The following CNP variants were observed in gnomAD, a reference collection of about 807,000 sequenced individuals.
CNP encodes the protein 2',3'-cyclic-nucleotide 3'-phosphodiesterase.
In CNP, 8 loss-of-function variants were observed where a neutral mutation model predicts 37.9. The observed-to-expected ratio is 0.21, with a 90% CI of 0.12 to 0.38. The LOEUF is 0.38. Ranked by LOEUF, CNP falls within the 10% of genes least tolerant of loss-of-function variation. The pLI, the probability that CNP is intolerant of heterozygous loss-of-function variation, is 1.00. For missense variants in CNP, 457 were observed against 551.0 expected, an observed-to-expected ratio of 0.83 and a Z score of 1.71; for synonymous variants, 237 against 238.3, an observed-to-expected ratio of 0.99 and a Z score of 0.05.
At chr17:41,967,905 C>T in intron 1 of CNP, 163 bp from the exon 2 acceptor site, 1 of 1,441,852 alleles carries the variant, frequency 6.9e-7, no homozygotes, top group Non-Finnish European at 9.1e-7. Context: ...CCTCTTCCTC[C>T]TCCACGACCA....
chr17:41,968,522 C>G lies in CNP; in HGVS notation c.458C>G (p.Ala153Gly). The change falls in exon 2 of 4, where the codon GCG (alanine) becomes GGG (glycine). Residue 153 changes from alanine (A) to glycine (G), a missense_variant. This residue lies in a region of CNP where 166 missense variants were observed against 259.3 expected (regional missense o/e 0.64). Transcript: ENST00000393892. The surrounding 1 kb of genome is among the most constrained non-coding windows in gnomAD (Gnocchi z 4.8). ...YQVVLVEPKT[A>G]WRLDCAQLKE... ...GTGGTGCTGGTGGAGCCCAAGACGG[C>G]GTGGCGGCTGGACTGTGCCCAGCTC... The G allele has an allele frequency of 6.2e-7, 1 of 1,614,124 alleles. No homozygotes were observed. Among genetic ancestry groups the G allele is most frequent in the Non-Finnish European group, 8.5e-7 (1 of 1,180,032 alleles).
intron 1 of CNP, chr17:41,967,114 C>T (rs959529416): frequency 2.3e-6 from 1 of 426,386 alleles, no homozygotes. Context: ...GGAGGGAACT[C>T]GGGACCGCAG....
At chr17:41,967,145 G>A (rs2050910005) in intron 1 of CNP, 2 of 372,316 alleles carry the variant, frequency 5.4e-6, no homozygotes, top group Admixed American at 4.7e-5. Context: ...GCCTCTGGGA[G>A]CCTGGGTGGG....
chr17:41,974,006 T>C lies in CNP; in HGVS notation c.*82T>C, dbSNP rs2143049016. On this transcript the variant is annotated 3_prime_UTR_variant, in exon 4 of 4. Coordinates refer to ENST00000393892, the MANE Select transcript of CNP (RefSeq NM_033133.5). ...CTGTTTGATCCTTGTTTTGTGACAT[T>C]TTTTTTTTTTTTTTTTTTACTCAAA... 4.7e-6 allele frequency: 1 copy of C among 214,642 alleles called. No homozygotes were observed. Among genetic ancestry groups the C allele is most frequent in the Non-Finnish European group, 7.1e-6 (1 of 141,152 alleles). 13.3% of individuals were successfully genotyped at this position (214,642 alleles called of 1,614,324 possible).
chr17:41,971,920 G>C lies in CNP; in HGVS notation c.705G>C (p.Lys235Asn), dbSNP rs199706471. 1,927 of 1,613,912 alleles carry C rather than the reference G, an allele frequency of 1.2e-3. 2 individuals carry two copies. Among genetic ancestry groups the C allele is most frequent in the Admixed American group, 2.2e-3 (133 of 59,998 alleles). The change falls in exon 3 of 4, where the codon AAG (lysine) becomes AAC (asparagine). Residue 235 changes from lysine to asparagine, a missense_variant. Transcript: ENST00000393892. ...QFVPGDEPREKMDLVTYFGKR... is the reference protein window; with the variant it reads ...QFVPGDEPRENMDLVTYFGKR... Reference sequence around the variant, plus strand: ...TCCCTGGGGATGAGCCCAGGGAGAAGATGGACTTGGTCACCTACTTTGGAA... The same window carrying C: ...TCCCTGGGGATGAGCCCAGGGAGAACATGGACTTGGTCACCTACTTTGGAA...
rs1555645106 is a variant in CNP, at chr17:41,977,312, T to C, written c.*3388T>C. On this transcript the variant is annotated 3_prime_UTR_variant, in exon 4 of 4. Transcript: ENST00000393892. The stretch of plus-strand genomic sequence containing the variant: ...CCAAAGAATGCCTTGAAGATATTGT[T>C]TGGATCAAAATCTGTAGAGCAGGGC... 1 of 1,581,612 alleles carries C rather than the reference T, an allele frequency of 6.3e-7. No homozygotes were observed. The highest frequency in any genetic ancestry group is 8.6e-7 in the Non-Finnish European group (1 of 1,163,662).
chr17:41,971,784 G>A, intron 2 of CNP, 108 bp from the exon 3 acceptor site: 1 of 1,432,764 alleles, frequency 7.0e-7, no homozygotes, highest in African/African-American at 1.4e-5. Flanking sequence ...TGCTGGAGAG[G>A]TGATGCTTAG....
At position 41,975,431 on chromosome 17, in the gene CNP, C is replaced by T. The variant is rs1296564950; in HGVS notation, c.*1507C>T. 5 of 152,646 alleles carry T rather than the reference C, an allele frequency of 3.3e-5. No individual in the cohort carries two copies. Among genetic ancestry groups the T allele is most frequent in the African/African-American group, 9.7e-5 (4 of 41,426 alleles). 9.5% of individuals were successfully genotyped at this position (152,646 alleles called of 1,614,324 possible). ...AGGGATGTGGAGCACAAAAGCCTCT[C>T]ATCCCCCATTAACCAGGGCACCAAG... On this transcript the variant is annotated 3_prime_UTR_variant, in exon 4 of 4. Transcript: ENST00000393892.
At position 41,977,457 on chromosome 17, in the gene CNP, T is replaced by G; in HGVS notation, c.*3533T>G. On this transcript the variant is annotated 3_prime_UTR_variant, in exon 4 of 4. Coordinates refer to ENST00000393892, the MANE Select transcript of CNP (RefSeq NM_033133.5). ...TCTCACTCCCCTCCTTTCCCAACAC[T>G]TCAGACTGCAAGTGAGCAAACCTGC... is the stretch of plus-strand genomic sequence containing the variant. 1.3e-6 allele frequency: 1 copy of G among 777,042 alleles called. No homozygotes were observed. Among genetic ancestry groups the G allele is most frequent in the Non-Finnish European group, 2.1e-6 (1 of 478,946 alleles). The allele number at this position is 777,042 out of a possible 1,614,324, so 48.1% of individuals were successfully genotyped here.
chr17:41,976,653 GGGA>G lies in CNP; in HGVS notation c.*2735_*2737del, dbSNP rs1407594115. 2 of 1,557,280 alleles carry G rather than the reference GGGA, an allele frequency of 1.3e-6. No homozygotes were observed. Among genetic ancestry groups the G allele is most frequent in the Non-Finnish European group, 1.7e-6 (2 of 1,144,030 alleles). On this transcript the variant is annotated 3_prime_UTR_variant, in exon 4 of 4. Transcript: ENST00000393892. ...TCTAAGCACACGGAGACGTGATGAAGGGAGGAGGTGAACTGTTTCCACATTCAA... is the reference window on the plus strand; with the variant it reads ...TCTAAGCACACGGAGACGTGATGAAGGGAGGTGAACTGTTTCCACATTCAA...
At position 41,976,559 on chromosome 17, in the gene CNP, G is replaced by C; in HGVS notation, c.*2635G>C. On this transcript the variant is annotated 3_prime_UTR_variant, in exon 4 of 4. Coordinates refer to ENST00000393892, the MANE Select transcript of CNP (RefSeq NM_033133.5). The stretch of plus-strand genomic sequence containing the variant: ...CCTCCCTCCCCTGCCCTCGGTCTTC[G>C]GCATTGGTTCCCTTTGCTCCACCCC... 1 of 731,670 alleles carries C rather than the reference G, an allele frequency of 1.4e-6. No homozygotes were observed. The highest frequency in any genetic ancestry group is 2.1e-6 in the Non-Finnish European group (1 of 472,070). 45.3% of individuals were successfully genotyped at this position (731,670 alleles called of 1,614,324 possible). A position where few individuals can be genotyped will look rare whatever the true frequency, so the allele number is the denominator to read the frequency against.
At chr17:41,972,092 A>G in intron 3 of CNP, 61 bp downstream of exon 3, 1 of 1,588,020 alleles carries the variant, frequency 6.3e-7, no homozygotes, top group African/African-American at 1.3e-5. Flanking sequence ...GGGCTGCAGC[A>G]TCTTCTGAAG....
chr17:41,969,890 A>C (rs1403214990), intron 2 of CNP, among the ~76,000 whole-genome samples: 1 of 152,176 alleles, frequency 6.6e-6, no homozygotes, highest in Non-Finnish European at 1.5e-5. Context: ...TCATGCCTGA[A>C]ATAGCCCCAC....
In CNP at chr17:41,968,537, G is replaced by A; in HGVS notation, c.473G>A (p.Cys158Tyr). The stretch of plus-strand genomic sequence containing the variant: ...CCCAAGACGGCGTGGCGGCTGGACT[G>A]TGCCCAGCTCAAGGAGAAGAACCAG... ...VEPKTAWRLD[C>Y]AQLKEKNQWQ... The change falls in exon 2 of 4, where the codon TGT (cysteine) becomes TAT (tyrosine). Residue 158 changes from cysteine to tyrosine, a missense_variant. This residue lies in a region of CNP where 166 missense variants were observed against 259.3 expected (regional missense o/e 0.64). Transcript: ENST00000393892. The surrounding 1 kb of genome is among the most constrained non-coding windows in gnomAD (Gnocchi z 4.8). 1 of 1,614,156 alleles carries A rather than the reference G, an allele frequency of 6.2e-7. No individual in the cohort carries two copies. Among genetic ancestry groups the A allele is most frequent in the Non-Finnish European group, 8.5e-7 (1 of 1,180,030 alleles).
rs540064573 is a variant in CNP at position 41,975,644 on chromosome 17, C to T, written c.*1720C>T. On this transcript the variant is annotated 3_prime_UTR_variant, in exon 4 of 4. Coordinates refer to ENST00000393892, the MANE Select transcript of CNP (RefSeq NM_033133.5). ...GCCTAGTCAGCCACATGGGAAACTT[C>T]CAAGACCTGACTCAGGCATCATTCC... 1 of 152,364 alleles carries T rather than the reference C, an allele frequency of 6.6e-6. No individual in the cohort carries two copies. The highest frequency in any genetic ancestry group is 1.9e-4 in the East Asian group (1 of 5,182). 9.4% of individuals were successfully genotyped at this position (152,364 alleles called of 1,614,324 possible).
intron 3 of CNP, among the ~76,000 whole-genome samples, chr17:41,973,008 C>T (rs1216537976): frequency 5.9e-5 from 9 of 152,210 alleles, no homozygotes; most frequent in South Asian, 2.1e-4. Context: ...TCCTCCAGGG[C>T]GCTGTCTGGG....
At chr17:41,971,798 C>T (rs2050994024) in intron 2 of CNP, 94 bp from the exon 3 acceptor site, 1 of 1,525,550 alleles carries the variant, frequency 6.6e-7, no homozygotes, top group African/African-American at 1.4e-5. Flanking sequence ...TGCTTAGTGT[C>T]CGAGTGTTTT....
chr17:41,968,235 C>T lies in CNP; in HGVS notation c.171C>T (p.Gly57=). Residue 57 remains glycine (G), a synonymous_variant, in exon 2 of 4, where the codon GGC becomes GGT. Coordinates refer to ENST00000393892, the MANE Select transcript of CNP (RefSeq NM_033133.5). This position sits in a 1 kb window ranked among gnomAD's most constrained non-coding sequence, Gnocchi z 4.8. ...LECKTLFILR[G]LPGSGKSTLA... ...GCAAGACGCTCTTCATCTTGCGCGG[C>T]CTGCCAGGAAGCGGCAAGTCCACGC... The T allele has an allele frequency of 6.2e-7, 1 of 1,614,204 alleles. No homozygotes were observed. The highest frequency in any genetic ancestry group is 8.5e-7 in the Non-Finnish European group (1 of 1,180,030).
intron 2 of CNP, among the ~76,000 whole-genome samples, chr17:41,969,721 A>G (rs1157280011): frequency 1.3e-5 from 2 of 152,066 alleles, no homozygotes; most frequent in African/African-American, 4.8e-5. Context: ...ACGTCCAGCT[A>G]ATTTTTGTAT....
Sources: gnomAD v4.1 joint callset for allele counts (sites outside exome capture counted in the v4.1 genomes callset) on GRCh38, gnomAD v4.1.1 for gene constraint, gnomAD v4.1.1 regional missense constraint, Gnocchi (gnomAD v3.1) non-coding constraint, MANE v1.5 for transcripts, NCBI Gene and HGNC (gene_info 2026-07-23, HGNC 2026-07-21) for gene names.